The following FOXRED2 variants were observed in gnomAD, a reference collection of about 807,000 sequenced individuals.
FOXRED2 encodes the protein FAD dependent oxidoreductase domain containing 2.
A neutral mutation model predicts 52.5 loss-of-function variants in FOXRED2; 32 were observed. The ratio of observed to expected loss-of-function variants is 0.61; its 90% CI spans 0.46 to 0.82. The LOEUF is 0.82. Ranked by LOEUF, FOXRED2 falls within the 40% of genes least tolerant of loss-of-function variation. FOXRED2 has a pLI of 0.00. For missense variants in FOXRED2, 848 were observed against 937.5 expected, an observed-to-expected ratio of 0.90 and a Z score of 1.25; for synonymous variants, 405 against 398.1, an observed-to-expected ratio of 1.02 and a Z score of -0.21.
At chr22:36,493,999 AG>A (rs1463223506) in intron 7 of FOXRED2, among the ~76,000 whole-genome samples, 196 bp from the exon 8 acceptor site, 1 of 152,250 alleles carries the variant, frequency 6.6e-6, no homozygotes, top group Non-Finnish European at 1.5e-5. Context: ...GGCTGCCATG[AG>A]GAAGAGGAAC....
intron 5 of FOXRED2, 122 bp from the exon 6 acceptor site, chr22:36,498,278 G>T (rs879915883): frequency 8.8e-7 from 1 of 1,135,506 alleles, no homozygotes; most frequent in Non-Finnish European, 1.2e-6. Flanking sequence ...CCATGGCCCA[G>T]CGCAAACGCC....
intron 8 of FOXRED2, among the ~76,000 whole-genome samples, chr22:36,490,487 C>G (rs1457566488): frequency 6.6e-6 from 1 of 152,258 alleles, no homozygotes; most frequent in Non-Finnish European, 1.5e-5. Context: ...CAGGGGGCTG[C>G]CTTGACACTC....
intron 5 of FOXRED2, among the ~76,000 whole-genome samples, chr22:36,500,339 A>G (rs527405428): frequency 1.3e-5 from 2 of 152,154 alleles, no homozygotes; most frequent in Non-Finnish European, 2.9e-5. Context: ...TCGTGTGTTC[A>G]GTGCTCAGCC....
At position 36,506,402 on chromosome 22, in the gene FOXRED2, G is replaced by C. The variant is rs1934202066; in HGVS notation, c.21C>G (p.Ala7=). MGLSAA[A]PLWGPPGLLL... ...GCAGCCCCGGGGGACCCCACAACGGGGCCGCAGCGGAGAGGCCCATCCTGC... is the reference window on the plus strand; with the variant it reads ...GCAGCCCCGGGGGACCCCACAACGGCGCCGCAGCGGAGAGGCCCATCCTGC... Residue 7 remains alanine, a synonymous_variant, in exon 2 of 9, where the codon GCC becomes GCG. Transcript: ENST00000397224. 7.0e-7 allele frequency: 1 copy of C among 1,437,412 alleles called. No individual in the cohort carries two copies. The highest frequency in any genetic ancestry group is 9.1e-7 in the Non-Finnish European group (1 of 1,100,940). The allele number at this position is 1,437,412 out of a possible 1,614,324, so 89.0% of individuals were successfully genotyped here.
At position 36,501,419 on chromosome 22, in the gene FOXRED2, A is replaced by G. The variant is rs1206962665; in HGVS notation, c.1050-12T>C. On this transcript the variant is annotated splice_polypyrimidine_tract_variant and intron_variant, in intron 4 of 8. Coordinates refer to ENST00000397224, the MANE Select transcript of FOXRED2 (RefSeq NM_001102371.2). Reference sequence around the variant, plus strand: ...TAAGTCTGAGGGACCTGTCAGTGGAAAGGGCTGTTCATGAAAATAGCTGCT... The same window carrying G: ...TAAGTCTGAGGGACCTGTCAGTGGAGAGGGCTGTTCATGAAAATAGCTGCT... 6.2e-7 allele frequency: 1 copy of G among 1,613,444 alleles called. No homozygotes were observed. Among genetic ancestry groups the G allele is most frequent in the Non-Finnish European group, 8.5e-7 (1 of 1,179,546 alleles).
chr22:36,494,444 G>A (rs1159658626), intron 7 of FOXRED2, among the ~76,000 whole-genome samples: 1 of 151,732 alleles, frequency 6.6e-6, no homozygotes, highest in Non-Finnish European at 1.5e-5. Context: ...TTTCAAACTG[G>A]CCTTTCTCTG....
In FOXRED2 at chr22:36,493,749, A is replaced by G; in HGVS notation, c.1679T>C (p.Ile560Thr). 1.2e-6 allele frequency: 2 copies of G among 1,614,220 alleles called. No individual in the cohort carries two copies. The highest frequency in any genetic ancestry group is 1.7e-6 in the Non-Finnish European group (2 of 1,180,022). The change falls in exon 8 of 9, where the codon ATC becomes ACC. Residue 560 changes from isoleucine (I) to threonine (T), a missense_variant. Physicochemically the swap from Ile to Thr is moderately conservative, Grantham distance 89 (BLOSUM62 -1). Transcript: ENST00000397224. ...TAAGAAGTCTTCCACGATGTGATGG[A>G]TGGCCGTGGGCCGAGGCAGGGGCCA... Reference protein sequence around the residue: ...AHWPLPRPTAIHHIVEDFLTD... With the variant: ...AHWPLPRPTATHHIVEDFLTD...
At chr22:36,497,517 C>A (rs543725973) in intron 6 of FOXRED2, among the ~76,000 whole-genome samples, 2 of 152,158 alleles carry the variant, frequency 1.3e-5, no homozygotes, top group East Asian at 3.9e-4. Context: ...TGTCTCCCCC[C>A]GCCCCTCACC....
chr22:36,491,719 G>A (rs1603492271), intron 8 of FOXRED2, among the ~76,000 whole-genome samples: 1 of 152,040 alleles, frequency 6.6e-6, no homozygotes, highest in Admixed American at 6.6e-5. Flanking sequence ...GCTGCCATGC[G>A]TCCATACAGC....
chr22:36,501,613 A>G lies in FOXRED2; in HGVS notation c.1050-206T>C, dbSNP rs576940996. Among the ~76,000 whole-genome samples, 415 of 152,178 alleles carry G rather than the reference A, an allele frequency of 2.7e-3. 5 individuals carry two copies. The highest frequency in any genetic ancestry group is 9.6e-3 in the African/African-American group (399 of 41,524). On this transcript the variant is annotated intron_variant, in intron 4 of 8. Coordinates refer to ENST00000397224, the MANE Select transcript of FOXRED2 (RefSeq NM_001102371.2). ...GTAGCTGGGATTATAGGCTCCTGCCACCATGCCCAGCTAATTTTTGTATTT... is the reference window on the plus strand; with the variant it reads ...GTAGCTGGGATTATAGGCTCCTGCCGCCATGCCCAGCTAATTTTTGTATTT...
At position 36,490,157 on chromosome 22, in the gene FOXRED2, C is replaced by T; in HGVS notation, c.1906G>A (p.Val636Met). The change falls in exon 9 of 9, where the codon GTG (valine) becomes ATG (methionine). Residue 636 changes from valine to methionine, a missense_variant. Val to Met is a conservative substitution (Grantham distance 21). Coordinates refer to ENST00000397224, the MANE Select transcript of FOXRED2 (RefSeq NM_001102371.2). ...TAGTCCCGCAGGAGCCTGCTCTCCA[C>T]TCTGTGCTGCCAAAGGCTCTCGGTA... ...VSTESLWQHR[V>M]ESRLLRDYAP... 1 of 1,614,178 alleles carries T rather than the reference C, an allele frequency of 6.2e-7. No homozygotes were observed. Among genetic ancestry groups the T allele is most frequent in the Non-Finnish European group, 8.5e-7 (1 of 1,179,988 alleles).
At chr22:36,492,964 C>A (rs1243586572) in intron 8 of FOXRED2, among the ~76,000 whole-genome samples, 1 of 152,196 alleles carries the variant, frequency 6.6e-6, no homozygotes, top group Non-Finnish European at 1.5e-5. Flanking sequence ...CTATCTAGGG[C>A]CAAAACCATG....
chr22:36,506,557 A>G (rs1229409462), intron 1 of FOXRED2, 134 bp from the exon 2 acceptor site: 7 of 870,254 alleles, frequency 8.0e-6, no homozygotes, highest in Non-Finnish European at 1.2e-5. Context: ...CCGTCCTCAG[A>G]GCTCATTTGC....
At chr22:36,504,389 G>A (rs1811557436) in intron 3 of FOXRED2, 22 bp from the exon 4 acceptor site, 1 of 1,612,634 alleles carries the variant, frequency 6.2e-7, no homozygotes, top group Non-Finnish European at 8.5e-7. Context: ...GAGAATGCAG[G>A]GGAGAGAGAC....
At position 36,490,226 on chromosome 22, in the gene FOXRED2, G is replaced by A; in HGVS notation, c.1837C>T (p.Pro613Ser). Residue 613 changes from proline (P) to serine (S), a missense_variant, in exon 9 of 9, where the codon CCC becomes TCC. By Grantham distance (74) the Pro-to-Ser change is moderately conservative (BLOSUM62 -1). Coordinates refer to ENST00000397224, the MANE Select transcript of FOXRED2 (RefSeq NM_001102371.2). ...CTCAGGTACCCCTGCTGGCAAAAGG[G>A]TGGCAACTTCTGGCGCGTGAGGGCG... ...LFALTRQKLP[P>S]FCQQGYLRMQ... 1 of 1,613,422 alleles carries A rather than the reference G, an allele frequency of 6.2e-7. No homozygotes were observed. Among genetic ancestry groups the A allele is most frequent in the Non-Finnish European group, 8.5e-7 (1 of 1,179,508 alleles).
intron 8 of FOXRED2, among the ~76,000 whole-genome samples, chr22:36,491,591 G>C (rs763206163): frequency 6.6e-6 from 1 of 152,018 alleles, no homozygotes; most frequent in Non-Finnish European, 1.5e-5. Flanking sequence ...TTTAAGTAGG[G>C]AGAGGGTTTC....
rs1933678709 is a variant in FOXRED2, at chr22:36,489,046, A to G, written c.*962T>C. On this transcript the variant is annotated 3_prime_UTR_variant, in exon 9 of 9. Transcript: ENST00000397224. The stretch of plus-strand genomic sequence containing the variant: ...GAAGAAGAGACTAGGAACCAAATTC[A>G]TCATCATTATCACACAAAGGCATTT... 1.3e-5 allele frequency: 2 copies of G among 152,268 alleles called. No homozygotes were observed. The highest frequency in any genetic ancestry group is 4.8e-5 in the African/African-American group (2 of 41,468). The allele number at this position is 152,268 out of a possible 1,614,324, so 9.4% of individuals were successfully genotyped here. A position where few individuals can be genotyped will look rare whatever the true frequency, so the allele number is the denominator to read the frequency against.
chr22:36,502,313 G>A (rs1163415178), intron 4 of FOXRED2, among the ~76,000 whole-genome samples: 1 of 152,234 alleles, frequency 6.6e-6, no homozygotes, highest in East Asian at 1.9e-4. Flanking sequence ...ACCCTGGTCA[G>A]AAGACAAGTG....
At chr22:36,496,950 G>A (rs886474906) in intron 6 of FOXRED2, among the ~76,000 whole-genome samples, 2 of 152,216 alleles carry the variant, frequency 1.3e-5, no homozygotes, top group African/African-American at 4.8e-5. Context: ...GGAGACCAAG[G>A]CGGGTGGATC....
Sources: allele counts gnomAD v4.1 joint callset (sites outside exome capture counted in the v4.1 genomes callset), GRCh38; gene constraint gnomAD v4.1.1; transcripts MANE v1.5; gene names NCBI Gene and HGNC (gene_info 2026-07-23, HGNC 2026-07-21).